The following SRFBP1 variants were observed in gnomAD, a reference collection of about 807,000 sequenced individuals.
SRFBP1 encodes serum response factor-binding protein 1.
SRFBP1 carries 47 observed loss-of-function variants against 45.5 expected under a neutral mutation model. The observed-to-expected ratio is 1.03, with a 90% CI of 0.82 to 1.32. SRFBP1 has a LOEUF of 1.32. Ranked by LOEUF, SRFBP1 falls within the 40% of genes most tolerant of loss-of-function variation. SRFBP1 has a pLI of 0.00. For synonymous variants in SRFBP1, 203 were observed against 166.3 expected (o/e 1.22, Z -1.70); for missense variants, 621 against 484.6 (o/e 1.28, Z -2.64).
At chr5:122,077,958 G>A, downstream of SRFBP1, 1 of 1,476,184 alleles carries the variant, frequency 6.8e-7, no homozygotes, top group South Asian at 1.5e-5. The surrounding 1 kb of genome is among the most constrained non-coding windows in gnomAD (Gnocchi z 4.9). Context: ...AAAGGCCCGA[G>A]CAGGAGCACG....
intron 1 of SRFBP1, among the ~76,000 whole-genome samples, chr5:121,968,099 A>G (rs900931656): frequency 7.2e-5 from 11 of 152,046 alleles, no homozygotes; most frequent in Admixed American, 2.0e-4. Flanking sequence ...ATTGTGTTGT[A>G]TACTTTTAAA....
At chr5:121,964,867 T>G (rs918785658) in intron 1 of SRFBP1, among the ~76,000 whole-genome samples, 2 of 152,218 alleles carry the variant, frequency 1.3e-5, no homozygotes, top group African/African-American at 4.8e-5. Flanking sequence ...GTTTCCTGAC[T>G]TTTTAATGAT....
chr5:122,003,027 T>G (rs2112686586), intron 4 of SRFBP1, among the ~76,000 whole-genome samples: 1 of 152,266 alleles, frequency 6.6e-6, no homozygotes, highest in East Asian at 1.9e-4. Flanking sequence ...AGTGAGTATT[T>G]TTATTCTATA....
At chr5:122,028,841 A>G (rs1319522499), downstream of SRFBP1, among the ~76,000 whole-genome samples, 1 of 152,236 alleles carries the variant, frequency 6.6e-6, no homozygotes, top group Non-Finnish European at 1.5e-5. Flanking sequence ...AGTCTGTCCA[A>G]GACTTTTTAC....
downstream of SRFBP1, chr5:122,077,237 G>C (rs1327353114): frequency 1.9e-5 from 29 of 1,514,904 alleles, no homozygotes; most frequent in Non-Finnish European, 2.5e-5. The surrounding 1 kb of genome is among the most constrained non-coding windows in gnomAD (Gnocchi z 4.9). Flanking sequence ...GCAGGCGCGT[G>C]GGGGAGGGAT....
At chr5:122,075,374 CA>C in exon 3 of SRFBP1, 1 of 1,555,856 alleles carries the variant, frequency 6.4e-7, no homozygotes, top group South Asian at 1.2e-5. Context: ...AAAAGCAACC[CA>C]AAAGTACCCA....
chr5:121,992,153 C>G (rs1442694287), intron 3 of SRFBP1, among the ~76,000 whole-genome samples: 3 of 152,078 alleles, frequency 2.0e-5, no homozygotes, highest in Non-Finnish European at 2.9e-5. Context: ...GGTTAGAAGT[C>G]CTAACAGTAA....
At chr5:121,981,492 C>T (rs1323479404) in intron 3 of SRFBP1, among the ~76,000 whole-genome samples, 1 of 151,628 alleles carries the variant, frequency 6.6e-6, no homozygotes, top group East Asian at 1.9e-4. Context: ...ATACAAGACC[C>T]TTTGTGATCT....
intron 4 of SRFBP1, among the ~76,000 whole-genome samples, chr5:122,009,897 T>C (rs965137030): frequency 6.6e-6 from 1 of 152,164 alleles, no homozygotes; most frequent in Non-Finnish European, 1.5e-5. Context: ...TTTTAGAAGC[T>C]AGTGCCATAG....
intron 1 of SRFBP1, among the ~76,000 whole-genome samples, chr5:121,972,018 C>G (rs1752209449): frequency 6.6e-6 from 1 of 151,838 alleles, no homozygotes; most frequent in African/African-American, 2.4e-5. Context: ...CTCCACACAA[C>G]TGAAGAGGGA....
rs946918073 is a variant in SRFBP1 at position 122,019,210 on chromosome 5, T to A, written c.271-50T>A. 5 of 1,442,472 alleles carry A rather than the reference T, an allele frequency of 3.5e-6. No individual in the cohort carries two copies. The African/African-American group carries it at 7.0e-5, about 20-fold the overall frequency. 89.4% of individuals were successfully genotyped at this position (1,442,472 alleles called of 1,614,324 possible). On this transcript the variant is annotated intron_variant, in intron 4 of 7. Transcript: ENST00000339397. ...ATTTTATTTTATTCACTTTCAATAG[T>A]GTCATTTTTATTTCATTCCCATACG...
chr5:121,967,241 C>T (rs534586636), intron 1 of SRFBP1, among the ~76,000 whole-genome samples: 3 of 152,234 alleles, frequency 2.0e-5, no homozygotes, highest in East Asian at 3.9e-4. Flanking sequence ...TCAAGAACCA[C>T]GTTTGTATGC....
intron 1 of SRFBP1, among the ~76,000 whole-genome samples, chr5:121,962,350 A>G (rs1751966331): frequency 6.6e-6 from 1 of 152,216 alleles, no homozygotes; most frequent in Admixed American, 6.5e-5. Context: ...TGTAAAGCGG[A>G]ACTCAAGATA....
At chr5:122,000,619 G>C (rs1470849425) in intron 4 of SRFBP1, among the ~76,000 whole-genome samples, 1 of 151,948 alleles carries the variant, frequency 6.6e-6, no homozygotes, top group African/African-American at 2.4e-5. Context: ...CTTTAATTTT[G>C]TAAAAGTCTG....
intron 4 of SRFBP1, among the ~76,000 whole-genome samples, chr5:122,005,193 TC>T (rs1342768143): frequency 2.0e-5 from 3 of 152,170 alleles, no homozygotes; most frequent in Admixed American, 6.5e-5. Flanking sequence ...ACCTGATGTT[TC>T]CTTATTGATT....
intron 1 of SRFBP1, among the ~76,000 whole-genome samples, chr5:121,966,348 A>G (rs1203594549): frequency 2.0e-5 from 3 of 152,214 alleles, no homozygotes; most frequent in Non-Finnish European, 4.4e-5. Flanking sequence ...TATTTATTGC[A>G]TATTTTTGGT....
In SRFBP1 at chr5:122,020,116, A is replaced by G. The variant is rs1175933004; in HGVS notation, c.381A>G (p.Arg127=). 3 of 1,579,202 alleles carry G rather than the reference A, an allele frequency of 1.9e-6. No homozygotes were observed. Among genetic ancestry groups the G allele is most frequent in the Admixed American group, 1.9e-5 (1 of 52,952 alleles). Residue 127 remains arginine, a synonymous_variant, in exon 6 of 8, where the codon AGA becomes AGG. Coordinates refer to ENST00000339397, the MANE Select transcript of SRFBP1 (RefSeq NM_152546.3). ...KAAVQAFKEA[R]QNVAEVESSK... is the part of the protein sequence containing the mutation. ...CTGTACAAGCCTTTAAAGAAGCAAG[A>G]CAAAATGTTGCTGAAGTTGAGTCAT...
intron 2 of SRFBP1, among the ~76,000 whole-genome samples, chr5:122,071,402 C>T (rs926949216): frequency 1.3e-5 from 2 of 152,090 alleles, no homozygotes; most frequent in Admixed American, 6.5e-5. Context: ...CCCCACTATA[C>T]TCTCTCTCAT....
intron 4 of SRFBP1, among the ~76,000 whole-genome samples, chr5:122,008,993 C>T (rs558923744): frequency 5.9e-5 from 9 of 152,192 alleles, no homozygotes; most frequent in African/African-American, 1.2e-4. Context: ...ATCACACATA[C>T]GTTCAATTTA....
Sources: gnomAD v4.1 joint callset for allele counts (sites outside exome capture counted in the v4.1 genomes callset) on GRCh38, gnomAD v4.1.1 for gene constraint, Gnocchi (gnomAD v3.1) non-coding constraint, MANE v1.5 for transcripts, NCBI Gene and HGNC (gene_info 2026-07-23, HGNC 2026-07-21) for gene names.